The following PKNOX2 variants were observed in gnomAD, a reference collection of about 807,000 sequenced individuals.
PKNOX2 encodes homeobox protein PKNOX2.
Under a neutral mutation model 53.1 loss-of-function variants are expected in PKNOX2, and 14 were observed. That is an observed-to-expected ratio of 0.26 (90% CI 0.17 to 0.41). The LOEUF is 0.41. Among genes scored for constraint, PKNOX2 ranks in the 10% least tolerant of loss-of-function variants. The pLI, the probability that PKNOX2 is intolerant of heterozygous loss-of-function variation, is 1.00. For synonymous variants in PKNOX2, 257 were observed against 242.8 expected (o/e 1.06, Z -0.54); for missense variants, 496 against 602.8 (o/e 0.82, Z 1.85).
chr11:125,389,732 A>G (rs753698540), intron 6 of PKNOX2, among the ~76,000 whole-genome samples: 10 of 152,256 alleles, frequency 6.6e-5, no homozygotes, highest in Non-Finnish European at 1.0e-4. Flanking sequence ...AAGGTTTTAT[A>G]TATTATGCAA....
At chr11:125,181,218 A>G (rs577325489) in intron 1 of PKNOX2, among the ~76,000 whole-genome samples, 2 of 152,396 alleles carry the variant, frequency 1.3e-5, no homozygotes, top group Admixed American at 1.3e-4. Context: ...CCACACGGCT[A>G]GTAAGAGGAG....
At chr11:125,270,082 A>G (rs1254542818) in intron 2 of PKNOX2, among the ~76,000 whole-genome samples, 1 of 152,144 alleles carries the variant, frequency 6.6e-6, no homozygotes, top group East Asian at 1.9e-4. Flanking sequence ...CTTTCTGGCT[A>G]TCTTAAGGAA....
intron 5 of PKNOX2, among the ~76,000 whole-genome samples, chr11:125,378,965 G>C (rs1953023530): frequency 6.8e-6 from 1 of 147,502 alleles, no homozygotes; most frequent in Non-Finnish European, 1.5e-5. Flanking sequence ...TAAGAAGGAA[G>C]AAATGTTTGT....
At chr11:125,348,466 A>AGGG (rs1034351885) in intron 3 of PKNOX2, among the ~76,000 whole-genome samples, 1 of 152,190 alleles carries the variant, frequency 6.6e-6, no homozygotes, top group Admixed American at 6.5e-5. Flanking sequence ...GACCCCAAGG[A>AGGG]GGGGGAGGGG....
intron 5 of PKNOX2, among the ~76,000 whole-genome samples, chr11:125,384,375 G>T (rs1217287614): frequency 1.3e-5 from 2 of 152,144 alleles, no homozygotes; most frequent in African/African-American, 4.8e-5. Context: ...TTCAAGAGTT[G>T]CTGATCTCCA....
chr11:125,371,481 TGCCAGCGGC>T (rs1468657197), intron 5 of PKNOX2, among the ~76,000 whole-genome samples: 1 of 152,134 alleles, frequency 6.6e-6, no homozygotes, highest in African/African-American at 2.4e-5. Flanking sequence ...GGGATTAGGT[TGCCAGCGGC>T]GCAGAGGCAG....
intron 9 of PKNOX2, chr11:125,411,289 C>A (rs558490248): frequency 1.6e-4 from 51 of 315,768 alleles, no homozygotes; most frequent in African/African-American, 9.6e-4. Flanking sequence ...TTAATAGCAA[C>A]TGCACACAGC....
chr11:125,264,423 G>T (rs1945141714), intron 2 of PKNOX2, among the ~76,000 whole-genome samples: 1 of 152,160 alleles, frequency 6.6e-6, no homozygotes, highest in Admixed American at 6.5e-5. Context: ...TTTTCAGAAA[G>T]GAGCCACTTG....
At chr11:125,310,218 C>T (rs929916437) in intron 2 of PKNOX2, among the ~76,000 whole-genome samples, 6 of 151,974 alleles carry the variant, frequency 3.9e-5, no homozygotes, top group South Asian at 2.1e-4. Flanking sequence ...ACTATTAGGC[C>T]GGGCGCGGTG....
At chr11:125,211,944 A>G (rs977181563) in intron 1 of PKNOX2, among the ~76,000 whole-genome samples, 1 of 152,098 alleles carries the variant, frequency 6.6e-6, no homozygotes, top group Non-Finnish European at 1.5e-5. Flanking sequence ...TTGGTTTCCT[A>G]TATGGCTCTA....
chr11:125,399,072 A>G (rs1164646018), intron 7 of PKNOX2, among the ~76,000 whole-genome samples: 1 of 152,234 alleles, frequency 6.6e-6, no homozygotes, highest in African/African-American at 2.4e-5. Context: ...GCTGACTTCT[A>G]GAAGGCCAGC....
intron 3 of PKNOX2, among the ~76,000 whole-genome samples, chr11:125,336,341 C>G (rs1950430528): frequency 6.6e-6 from 1 of 151,880 alleles, no homozygotes. Context: ...GCCCTTTTTT[C>G]TCAGTTTATC....
rs1367210330 is a variant in PKNOX2 at position 125,183,291 on chromosome 11, A to T, written c.-201+18515A>T. 3.8e-5 allele frequency among the ~76,000 whole-genome samples: 2 copies of T among 53,274 alleles called. 1 individual carries two copies. Among genetic ancestry groups the T allele is most frequent in the Non-Finnish European group, 8.5e-5 (2 of 23,526 alleles). 34.9% of individuals were successfully genotyped at this position (53,274 alleles called of 152,430 possible). ...GACTGCAGTGGTGCAATCTCGGCTCACTGCAAGCTCCGCTTCCCGGGTTCA... is the reference window on the plus strand; with the variant it reads ...GACTGCAGTGGTGCAATCTCGGCTCTCTGCAAGCTCCGCTTCCCGGGTTCA... On this transcript the variant is annotated intron_variant, in intron 1 of 12. Coordinates refer to ENST00000298282, the MANE Select transcript of PKNOX2 (RefSeq NM_001382323.2).
At position 125,414,376 on chromosome 11, in the gene PKNOX2, G is replaced by A. The variant is rs142385471; in HGVS notation, c.936+2511G>A. Among the ~76,000 whole-genome samples, 194 of 152,276 alleles carry A rather than the reference G, an allele frequency of 1.3e-3. 2 individuals are homozygous for A. In the East Asian group the frequency reaches 0.023, roughly 18 times the overall value. On this transcript the variant is annotated intron_variant, in intron 10 of 12. Transcript: ENST00000298282. ...CACAGGTGCAGGTGCCATTCATGAC[G>A]CGCTTAACATTGGCAGAGTCCTCCC...
chr11:125,324,586 A>T (rs998160543), intron 2 of PKNOX2, among the ~76,000 whole-genome samples: 1 of 152,050 alleles, frequency 6.6e-6, no homozygotes, highest in African/African-American at 2.4e-5. Context: ...GTGTGAAGAG[A>T]ACTGTGCATA....
intron 6 of PKNOX2, among the ~76,000 whole-genome samples, chr11:125,388,565 T>C (rs969561029): frequency 1.3e-5 from 2 of 152,052 alleles, no homozygotes; most frequent in African/African-American, 4.8e-5. Flanking sequence ...CCCCAAAAAC[T>C]TTGTCCCTTG....
intron 1 of PKNOX2, among the ~76,000 whole-genome samples, chr11:125,203,340 T>C (rs1938670300): frequency 6.6e-6 from 1 of 152,174 alleles, no homozygotes; most frequent in South Asian, 2.1e-4. Flanking sequence ...ACTCCCGGGC[T>C]CAAGCGATCC....
intron 1 of PKNOX2, among the ~76,000 whole-genome samples, chr11:125,189,567 C>T (rs1956744770): frequency 6.8e-6 from 1 of 147,572 alleles, no homozygotes; most frequent in Non-Finnish European, 1.5e-5. Flanking sequence ...CTCAGAAGGT[C>T]TTTGTTGTCT....
chr11:125,429,420 C>T (rs1033633418), intron 11 of PKNOX2, among the ~76,000 whole-genome samples: 3 of 152,194 alleles, frequency 2.0e-5, no homozygotes, highest in African/African-American at 7.2e-5. Flanking sequence ...AGCTGTGCAC[C>T]GGAGGCCAGT....
Sources: allele counts gnomAD v4.1 joint callset (sites outside exome capture counted in the v4.1 genomes callset), GRCh38; gene constraint gnomAD v4.1.1; transcripts MANE v1.5; gene names NCBI Gene and HGNC (gene_info 2026-07-23, HGNC 2026-07-21).